Variants in AOPEP observed in about 807,000 individuals in gnomAD.
AOPEP encodes aminopeptidase O (putative).
AOPEP carries 77 observed loss-of-function variants against 98.1 expected under a neutral mutation model. That is an observed-to-expected ratio of 0.78 (90% CI 0.65 to 0.95). The LOEUF (loss-of-function observed/expected upper bound fraction) is 0.95. Ranked by LOEUF, AOPEP falls within the 40% of genes least tolerant of loss-of-function variation. The probability of loss-of-function intolerance (pLI) is 0.00; values close to 1 mark genes in which losing one functional copy is unlikely to be tolerated. For missense variants in AOPEP, 1,024 were observed against 1,024.7 expected (o/e 1.00, Z 0.01); for synonymous variants, 346 against 365.3 (o/e 0.95, Z 0.60).
intron 13 of AOPEP, among the ~76,000 whole-genome samples, chr9:95,029,767 A>G (rs1168528532): frequency 6.6e-6 from 1 of 152,228 alleles, no homozygotes; most frequent in African/African-American, 2.4e-5. Flanking sequence ...ATTCATTTCA[A>G]TTTAATTTAT....
At chr9:95,065,756 AC>A (rs1293802511) in intron 14 of AOPEP, among the ~76,000 whole-genome samples, 6 of 152,282 alleles carry the variant, frequency 3.9e-5, no homozygotes, top group South Asian at 4.1e-4. Context: ...TGCCACCTCC[AC>A]CTGGCAACCC....
In AOPEP at chr9:94,884,345, G is replaced by A. The variant is rs114161486; in HGVS notation, c.1365-39641G>A. 9.2e-3 allele frequency among the ~76,000 whole-genome samples: 1,408 copies of A among 152,316 alleles called. 29 individuals carry two copies. Among genetic ancestry groups the A allele is most frequent in the African/African-American group, 0.032 (1,327 of 41,550 alleles). On this transcript the variant is annotated intron_variant, in intron 5 of 16. Transcript: ENST00000375315. ...ATAGCTATTCTACCAGCTAAGGAAT[G>A]AGTTTGTACGGAATTGGCCTGTGGT...
chr9:94,899,837 C>A (rs1306478668), intron 5 of AOPEP, among the ~76,000 whole-genome samples: 1 of 152,038 alleles, frequency 6.6e-6, no homozygotes, highest in Non-Finnish European at 1.5e-5. Flanking sequence ...ATAAGCATTA[C>A]AAAATTTTTA....
chr9:94,912,779 A>AG (rs1193407791), intron 5 of AOPEP, among the ~76,000 whole-genome samples: 1 of 152,188 alleles, frequency 6.6e-6, no homozygotes, highest in Non-Finnish European at 1.5e-5. Flanking sequence ...TGGTGCATGA[A>AG]GGTGTAGTGG....
chr9:94,862,383 G>T (rs1045861764), intron 5 of AOPEP, among the ~76,000 whole-genome samples: 1 of 151,922 alleles, frequency 6.6e-6, no homozygotes, highest in Admixed American at 6.6e-5. Flanking sequence ...CAGATGTGGG[G>T]TGAATGGGGA....
intron 3 of AOPEP, among the ~76,000 whole-genome samples, chr9:94,785,713 A>T (rs1329591313): frequency 6.6e-6 from 1 of 152,142 alleles, no homozygotes; most frequent in Non-Finnish European, 1.5e-5. Context: ...CAGAGGAAAA[A>T]CTCTGGGTTA....
intron 5 of AOPEP, among the ~76,000 whole-genome samples, chr9:94,877,980 G>A (rs990671323): frequency 2.0e-5 from 3 of 152,064 alleles, no homozygotes; most frequent in African/African-American, 7.2e-5. Context: ...CTCCTTTGGA[G>A]TTTGAATCAC....
intron 1 of AOPEP, among the ~76,000 whole-genome samples, chr9:94,747,991 A>G (rs1259992151): frequency 1.3e-5 from 2 of 152,244 alleles, no homozygotes; most frequent in African/African-American, 4.8e-5. Flanking sequence ...TAAAGTAAAA[A>G]TTAGTTCAGC....
Position 94,847,984 on chromosome 9 carries a change from C to G in AOPEP, c.1364+46982C>G, listed in dbSNP as rs138682154. 4.6e-3 allele frequency among the ~76,000 whole-genome samples: 698 copies of G among 152,278 alleles called. 5 individuals carry two copies. The highest frequency in any genetic ancestry group is 6.8e-3 in the Non-Finnish European group (466 of 68,036). The stretch of plus-strand genomic sequence containing the variant: ...CAGGACTGGGGACATATCACTTAGG[C>G]TTTAATGTTCAGGTCCACACTATTT... On this transcript the variant is annotated intron_variant, in intron 5 of 16. Coordinates refer to ENST00000375315, the MANE Select transcript of AOPEP (RefSeq NM_001193329.3).
intron 5 of AOPEP, chr9:94,904,605 C>T (rs541432918): frequency 6.6e-6 from 1 of 152,242 alleles, no homozygotes; most frequent in East Asian, 1.9e-4. Context: ...TTGTTTTGCT[C>T]TAATTGGTCT....
In AOPEP at chr9:94,924,162, C is replaced by A. The variant is rs1251990737; in HGVS notation, c.1541C>A (p.Ala514Asp). 1.4e-6 allele frequency: 2 copies of A among 1,424,386 alleles called. No individual in the cohort carries two copies. The highest frequency in any genetic ancestry group is 1.6e-5 in the South Asian group (1 of 64,380). 88.2% of individuals were successfully genotyped at this position (1,424,386 alleles called of 1,614,324 possible). ...FATHLEDVFWATAQQLAPYEA... is the reference protein window; with the variant it reads ...FATHLEDVFWDTAQQLAPYEA... ...ACTCACTTGGAGGATGTGTTTTGGGCCACAGCACAGCAGGTGGGTTAAAGT... is the reference window on the plus strand; with the variant it reads ...ACTCACTTGGAGGATGTGTTTTGGGACACAGCACAGCAGGTGGGTTAAAGT... Residue 514 changes from alanine (A) to aspartate (D), a missense_variant, in exon 6 of 17, where the codon GCC becomes GAC. This residue lies in a region of AOPEP where 566 missense variants were observed against 551.7 expected (regional missense o/e 1.03). Transcript: ENST00000375315.
At position 94,980,200 on chromosome 9, in the gene AOPEP, A is replaced by G. The variant is rs2060097116; in HGVS notation, c.1977+773A>G. Among the ~76,000 whole-genome samples the G allele has an allele frequency of 1.3e-5, 2 of 152,198 alleles. No homozygotes were observed. The highest frequency in any genetic ancestry group is 6.5e-5 in the Admixed American group (1 of 15,288). On this transcript the variant is annotated intron_variant, in intron 11 of 16. Transcript: ENST00000375315. This position sits in a 1 kb window ranked among gnomAD's most constrained non-coding sequence, Gnocchi z 4.3. The stretch of plus-strand genomic sequence containing the variant: ...CAGCCCAGGCCCCTTCGCCAAATCA[A>G]ATGCTGGCCATGGCAAGCCTAGGCC...
At chr9:94,918,673 A>G (rs1391231265) in intron 5 of AOPEP, among the ~76,000 whole-genome samples, 1 of 152,184 alleles carries the variant, frequency 6.6e-6, no homozygotes, top group African/African-American at 2.4e-5. Flanking sequence ...AGATAATGAA[A>G]TTGAATAATA....
intron 2 of AOPEP, among the ~76,000 whole-genome samples, chr9:94,766,748 A>G (rs1332250019): frequency 1.3e-5 from 2 of 152,374 alleles, no homozygotes; most frequent in East Asian, 1.9e-4. Flanking sequence ...TTTGTTAAAG[A>G]TAAGAGAGCT....
chr9:94,977,140 A>G (rs2138621873), intron 10 of AOPEP, among the ~76,000 whole-genome samples: 1 of 152,218 alleles, frequency 6.6e-6, no homozygotes. Context: ...TTATTTTCTC[A>G]TGAAATGTGT....
At chr9:95,143,418 G>GC in the AOPEP span, among the ~76,000 whole-genome samples, 1 of 152,108 alleles carries the variant, frequency 6.6e-6, no homozygotes, top group Non-Finnish European at 1.5e-5. Flanking sequence ...TTGGCTACCA[G>GC]CCCCCATCCC....
At chr9:95,035,018 G>A (rs1048215556) in intron 13 of AOPEP, among the ~76,000 whole-genome samples, 16 of 142,848 alleles carry the variant, frequency 1.1e-4, no homozygotes, top group African/African-American at 4.0e-4. Context: ...TAGGATACAT[G>A]TGCAGCCTTG....
intron 1 of AOPEP, among the ~76,000 whole-genome samples, chr9:94,741,359 G>A (rs1480472000): frequency 2.0e-5 from 3 of 151,588 alleles, no homozygotes; most frequent in Non-Finnish European, 4.4e-5. Flanking sequence ...TGCAAGCTCC[G>A]CCTCCCAGGT....
intron 16 of AOPEP, among the ~76,000 whole-genome samples, chr9:95,083,545 C>T (rs546144739): frequency 7.3e-5 from 11 of 150,652 alleles, no homozygotes; most frequent in Admixed American, 2.0e-4. Context: ...GCAGAGTACA[C>T]GCGGCACACA....
Sources: gnomAD v4.1 joint callset for allele counts (sites outside exome capture counted in the v4.1 genomes callset) on GRCh38, gnomAD v4.1.1 for gene constraint, gnomAD v4.1.1 regional missense constraint, Gnocchi (gnomAD v3.1) non-coding constraint, MANE v1.5 for transcripts, NCBI Gene and HGNC (gene_info 2026-07-23, HGNC 2026-07-21) for gene names.